The following TRPC7 variants were observed in gnomAD, a reference collection of about 807,000 sequenced individuals.
The protein encoded by TRPC7 is short transient receptor potential channel 7.
Under a neutral mutation model 90.1 loss-of-function variants are expected in TRPC7, and 42 were observed. That is an observed-to-expected ratio of 0.47 (90% CI 0.36 to 0.60). TRPC7 has a LOEUF of 0.60. Ranked by LOEUF, TRPC7 falls within the 20% of genes least tolerant of loss-of-function variation. The probability of loss-of-function intolerance (pLI) is 0.00; values close to 1 mark genes in which losing one functional copy is unlikely to be tolerated. For synonymous variants in TRPC7, 451 were observed against 436.3 expected, an observed-to-expected ratio of 1.03 and a Z score of -0.42; for missense variants, 955 against 1,112.3, an observed-to-expected ratio of 0.86 and a Z score of 2.01.
chr5:136,278,951 A>G (rs1757457012), intron 3 of TRPC7, among the ~76,000 whole-genome samples: 2 of 152,024 alleles, frequency 1.3e-5, no homozygotes, highest in Admixed American at 1.3e-4. Flanking sequence ...TAACTCTGGA[A>G]TGCTTCTTGG....
intron 5 of TRPC7, among the ~76,000 whole-genome samples, chr5:136,262,845 T>C (rs1756902298): frequency 6.6e-6 from 1 of 152,150 alleles, no homozygotes; most frequent in Admixed American, 6.5e-5. Flanking sequence ...CAGTCTGTAG[T>C]GCACGGAGAG....
Position 136,365,391 on chromosome 5 carries a change from T to A in TRPC7, c.-137A>T. 1.1e-6 allele frequency: 1 copy of A among 871,908 alleles called. No homozygotes were observed. The highest frequency in any genetic ancestry group is 1.8e-6 in the Non-Finnish European group (1 of 555,672). The allele number at this position is 871,908 out of a possible 1,614,324, so 54.0% of individuals were successfully genotyped here. ...GTGCTGAAGTATAGAGCTGGTCAAG[T>A]GAGTTAAGTTGCAACGATGTGAAAG... On this transcript the variant is annotated 5_prime_UTR_variant, in exon 1 of 12. Transcript: ENST00000513104.
chr5:136,327,695 C>T (rs764325515), intron 2 of TRPC7, among the ~76,000 whole-genome samples: 2 of 152,124 alleles, frequency 1.3e-5, no homozygotes, highest in East Asian at 1.9e-4. Flanking sequence ...GGGATTAAAA[C>T]GTGTAATTAC....
rs558469179 is a variant in TRPC7, at chr5:136,233,644, G to C, written c.1845-2095C>G. Among the ~76,000 whole-genome samples the C allele has an allele frequency of 3.3e-5, 5 of 152,274 alleles. No homozygotes were observed. In the South Asian group the frequency reaches 1.0e-3, roughly 32 times the overall value. ...GCTGGGCAGACAAGGGCTGATCTAGGATTATACACTTGTCATGGACCAACA... is the reference window on the plus strand; with the variant it reads ...GCTGGGCAGACAAGGGCTGATCTAGCATTATACACTTGTCATGGACCAACA... On this transcript the variant is annotated intron_variant, in intron 7 of 11. Coordinates refer to ENST00000513104, the MANE Select transcript of TRPC7 (RefSeq NM_020389.3).
intron 3 of TRPC7, among the ~76,000 whole-genome samples, chr5:136,298,946 T>G (rs1267856650): frequency 3.3e-5 from 5 of 152,092 alleles, no homozygotes; most frequent in African/African-American, 1.2e-4. Flanking sequence ...AGACTATGCC[T>G]GGCTTGTTCA....
chr5:136,350,178 T>C (rs1310122533), intron 2 of TRPC7, among the ~76,000 whole-genome samples: 1 of 152,210 alleles, frequency 6.6e-6, no homozygotes, highest in African/African-American at 2.4e-5. Context: ...AACACATGAC[T>C]GTATCCTACC....
intron 3 of TRPC7, among the ~76,000 whole-genome samples, chr5:136,281,429 C>G (rs1205443070): frequency 6.6e-6 from 1 of 152,218 alleles, no homozygotes; most frequent in Non-Finnish European, 1.5e-5. Flanking sequence ...TTTAAACAAT[C>G]ACTTTGCTGA....
intron 1 of TRPC7, among the ~76,000 whole-genome samples, chr5:136,362,516 AT>A (rs1760601104): frequency 6.6e-6 from 1 of 152,332 alleles, no homozygotes; most frequent in East Asian, 1.9e-4. Flanking sequence ...AACATGACAC[AT>A]TTGAGAACAT....
chr5:136,260,831 C>G (rs949370222), intron 5 of TRPC7, among the ~76,000 whole-genome samples: 9 of 152,226 alleles, frequency 5.9e-5, no homozygotes, highest in African/African-American at 2.2e-4. Flanking sequence ...GCCAAACTCT[C>G]CATTCCTGAA....
intron 3 of TRPC7, among the ~76,000 whole-genome samples, chr5:136,302,374 G>T (rs914479765): frequency 2.0e-5 from 3 of 152,078 alleles, no homozygotes; most frequent in Non-Finnish European, 4.4e-5. Flanking sequence ...GGAGGGGCAA[G>T]TATCCCTCAA....
At chr5:136,318,686 T>C (rs1302594298) in intron 2 of TRPC7, among the ~76,000 whole-genome samples, 1 of 152,172 alleles carries the variant, frequency 6.6e-6, no homozygotes, top group South Asian at 2.1e-4. Context: ...TCTTAGTTAT[T>C]CCAATAACTG....
At chr5:136,215,665 A>C (rs1755242174) in intron 11 of TRPC7, among the ~76,000 whole-genome samples, 1 of 152,112 alleles carries the variant, frequency 6.6e-6, no homozygotes, top group South Asian at 2.1e-4. Context: ...TACTAAAAAA[A>C]TACAAAAATT....
Position 136,247,915 on chromosome 5 carries a change from C to T in TRPC7, c.1580-180G>A, listed in dbSNP as rs1756394922. ...TCTTGGAATGTGCTGGACCATCTGC[C>T]TGGAACACTCTTCTCTCACTTCGAA... On this transcript the variant is annotated intron_variant, in intron 6 of 11. Transcript: ENST00000513104. This position sits in a 1 kb window ranked among gnomAD's most constrained non-coding sequence, Gnocchi z 4.2. 6.6e-6 allele frequency among the ~76,000 whole-genome samples: 1 copy of T among 152,204 alleles called. No homozygotes were observed. The highest frequency in any genetic ancestry group is 2.1e-4 in the South Asian group (1 of 4,828).
At chr5:136,339,582 C>T (rs1580973283) in intron 2 of TRPC7, among the ~76,000 whole-genome samples, 1 of 152,144 alleles carries the variant, frequency 6.6e-6, no homozygotes, top group East Asian at 1.9e-4. Flanking sequence ...ACTAACTCCA[C>T]TTGGACCTGT....
rs182670748 is a variant in TRPC7, at chr5:136,303,332, C to A, written c.963+12265G>T. Among the ~76,000 whole-genome samples the A allele has an allele frequency of 1.4e-3, 211 of 152,276 alleles. 4 individuals are homozygous for A. In the East Asian group the frequency reaches 0.037, roughly 27 times the overall value. On this transcript the variant is annotated intron_variant, in intron 3 of 11. Transcript: ENST00000513104. Reference sequence around the variant, plus strand: ...AATACATTTTATTACCCAATCTGCTCCTGACATTAAATAAAACTCCAAAAA... The same window carrying A: ...AATACATTTTATTACCCAATCTGCTACTGACATTAAATAAAACTCCAAAAA...
chr5:136,348,409 T>A (rs959588082), intron 2 of TRPC7, among the ~76,000 whole-genome samples: 1 of 152,250 alleles, frequency 6.6e-6, no homozygotes, highest in Non-Finnish European at 1.5e-5. Flanking sequence ...TTCTCTGTTG[T>A]CCATTTATCT....
chr5:136,253,200 T>C (rs890830774), intron 5 of TRPC7, among the ~76,000 whole-genome samples: 4 of 152,256 alleles, frequency 2.6e-5, no homozygotes, highest in African/African-American at 9.6e-5. Context: ...CTTTATAATA[T>C]GGCTTTTAGA....
At chr5:136,240,380 A>C (rs1323255311) in intron 7 of TRPC7, among the ~76,000 whole-genome samples, 2 of 152,196 alleles carry the variant, frequency 1.3e-5, no homozygotes, top group African/African-American at 4.8e-5. Flanking sequence ...TTTCCTAGGA[A>C]CAGAATTGTC....
intron 5 of TRPC7, among the ~76,000 whole-genome samples, chr5:136,263,956 G>C (rs1756944130): frequency 6.6e-6 from 1 of 152,150 alleles, no homozygotes; most frequent in South Asian, 2.1e-4. Context: ...CTCTTCTCTT[G>C]ATTTTTTGCA....
Sources: allele counts gnomAD v4.1 joint callset (sites outside exome capture counted in the v4.1 genomes callset), GRCh38; gene constraint gnomAD v4.1.1; non-coding constraint Gnocchi (gnomAD v3.1); transcripts MANE v1.5; gene names NCBI Gene and HGNC (gene_info 2026-07-23, HGNC 2026-07-21).